Variants in PLEKHA8 observed in about 807,000 individuals in gnomAD.
PLEKHA8 encodes the protein pleckstrin homology domain-containing family A member 8.
A neutral mutation model predicts 68.2 loss-of-function variants in PLEKHA8; 36 were observed. The ratio of observed to expected loss-of-function variants is 0.53; its 90% CI spans 0.40 to 0.70. The LOEUF is 0.70. Ranked by LOEUF, PLEKHA8 falls within the 30% of genes least tolerant of loss-of-function variation. The pLI is 0.00. For synonymous variants in PLEKHA8, 211 were observed against 216.1 expected, an observed-to-expected ratio of 0.98 and a Z score of 0.20; for missense variants, 505 against 615.4, an observed-to-expected ratio of 0.82 and a Z score of 1.90.
At chr7:30,045,247 C>T (rs1313981774) in intron 2 of PLEKHA8, 46 bp downstream of exon 2, 1 of 1,463,914 alleles carries the variant, frequency 6.8e-7, no homozygotes, top group Non-Finnish European at 9.4e-7. Context: ...TTTCTGTTTT[C>T]CCTCAAAAAC....
At chr7:30,058,973 T>C (rs985758481) in intron 9 of PLEKHA8, among the ~76,000 whole-genome samples, 1 of 152,130 alleles carries the variant, frequency 6.6e-6, no homozygotes, top group African/African-American at 2.4e-5. Flanking sequence ...TGAAAAAAAT[T>C]AGCCAGGTGT....
chr7:30,115,769 CGTAT>C lies in PLEKHA8; in HGVS notation c.1363-13495_1363-13492del, dbSNP rs1319530343. The C allele has an allele frequency of 2.7e-5, 4 of 148,146 alleles. 1 individual carries two copies. Among genetic ancestry groups the C allele is most frequent in the African/African-American group, 1.0e-4 (4 of 39,490 alleles). 9.2% of individuals were successfully genotyped at this position (148,146 alleles called of 1,614,324 possible). ...ACATACGTGCACATACATGTATACACGTATGCATGCATACATACGTGCACATACA... is the reference window on the plus strand; with the variant it reads ...ACATACGTGCACATACATGTATACACGCATGCATACATACGTGCACATACA... On this transcript the variant is annotated intron_variant, in intron 13 of 13. Transcript: ENST00000396257.
chr7:30,039,856 C>G (rs1191621095), intron 1 of PLEKHA8, among the ~76,000 whole-genome samples: 1 of 152,070 alleles, frequency 6.6e-6, no homozygotes, highest in Non-Finnish European at 1.5e-5. Flanking sequence ...TCTTTCCAAT[C>G]TAGATGTCTT....
At chr7:30,120,805 CGTAA>C (rs1562561681) in intron 13 of PLEKHA8, among the ~76,000 whole-genome samples, 1 of 152,154 alleles carries the variant, frequency 6.6e-6, no homozygotes, top group Non-Finnish European at 1.5e-5. Context: ...CTTCAAACAC[CGTAA>C]GTAGGTTTCT....
In PLEKHA8 at chr7:30,028,648, G is replaced by A. The variant is rs117074254; in HGVS notation, c.-115G>A. 70,536 of 818,868 alleles carry A rather than the reference G, an allele frequency of 0.086. 3,159 individuals carry two copies. The highest frequency in any genetic ancestry group is 0.091 in the Non-Finnish European group (55,521 of 609,594). The allele number at this position is 818,868 out of a possible 1,614,324, so 50.7% of individuals were successfully genotyped here. On this transcript the variant is annotated 5_prime_UTR_variant, in exon 1 of 14. Transcript: ENST00000449726. ...CGTCCCCACACCGGGCCCGGGCGCC[G>A]GGAGTGGGCGTCTGGGCAGCGCCAG... is the stretch of plus-strand genomic sequence containing the variant.
rs900154586 is a variant in PLEKHA8 at position 30,079,838 on chromosome 7, A to G, written c.*1051A>G. On this transcript the variant is annotated 3_prime_UTR_variant, in exon 14 of 14. Transcript: ENST00000449726. ...CTTCTGCACACAGTATTGAAGAGCA[A>G]CTAGATTAAATTCTAGTTTACAAAA... 1.1e-6 allele frequency: 1 copy of G among 944,242 alleles called. No individual in the cohort carries two copies. The highest frequency in any genetic ancestry group is 1.8e-5 in the African/African-American group (1 of 56,206). The allele number at this position is 944,242 out of a possible 1,614,324, so 58.5% of individuals were successfully genotyped here.
At chr7:30,033,094 G>A (rs1053094638) in intron 1 of PLEKHA8, among the ~76,000 whole-genome samples, 2 of 152,276 alleles carry the variant, frequency 1.3e-5, no homozygotes, top group South Asian at 4.1e-4. Flanking sequence ...AGGATTCTTG[G>A]TTTCACAACC....
intron 13 of PLEKHA8, among the ~76,000 whole-genome samples, chr7:30,104,713 C>CTTTT (rs34669397): frequency 3.7e-4 from 38 of 102,876 alleles, no homozygotes; most frequent in East Asian, 5.2e-4. Context: ...GTCACAACAG[C>CTTTT]TTTTTTTTTT....
chr7:30,039,579 T>C (rs1001863280), intron 1 of PLEKHA8, among the ~76,000 whole-genome samples: 13 of 152,260 alleles, frequency 8.5e-5, no homozygotes, highest in African/African-American at 3.1e-4. Flanking sequence ...TTTGATGTTA[T>C]CGTAAATGGA....
chr7:30,069,717 A>G (rs1794109884), intron 12 of PLEKHA8: 1 of 152,206 alleles, frequency 6.6e-6, no homozygotes, highest in African/African-American at 2.4e-5. Flanking sequence ...GAATGGTGTG[A>G]TGCAACAAGA....
intron 13 of PLEKHA8, among the ~76,000 whole-genome samples, chr7:30,125,455 A>G (rs1484421575): frequency 6.6e-6 from 1 of 152,204 alleles, no homozygotes. Flanking sequence ...CTTTAGAGGA[A>G]ATCCCTGGAG....
chr7:30,126,163 A>C (rs1251192158), intron 13 of PLEKHA8, among the ~76,000 whole-genome samples: 1 of 119,840 alleles, frequency 8.3e-6, no homozygotes, highest in Non-Finnish European at 1.9e-5. Flanking sequence ...AGCCAAGGAC[A>C]GTTTCAGGCT....
chr7:30,075,545 G>A (rs887630608), intron 13 of PLEKHA8, among the ~76,000 whole-genome samples: 2 of 152,180 alleles, frequency 1.3e-5, no homozygotes, highest in African/African-American at 4.8e-5. Context: ...TTATCTCCAA[G>A]GTGCTAGTGC....
chr7:30,079,879 A>C lies in PLEKHA8; in HGVS notation c.*1092A>C. ...GTTTACAAAATTACCAGTTTTCTTCAAGAACTAAATGATATGTCCTTTTTT... is the reference window on the plus strand; with the variant it reads ...GTTTACAAAATTACCAGTTTTCTTCCAGAACTAAATGATATGTCCTTTTTT... On this transcript the variant is annotated 3_prime_UTR_variant, in exon 14 of 14. Transcript: ENST00000449726. 1 of 978,742 alleles carries C rather than the reference A, an allele frequency of 1.0e-6. No individual in the cohort carries two copies. Among genetic ancestry groups the C allele is most frequent in the Non-Finnish European group, 1.2e-6 (1 of 823,894 alleles). 60.6% of individuals were successfully genotyped at this position (978,742 alleles called of 1,614,324 possible).
At chr7:30,073,563 TAAAAA>T (rs35738941) in intron 12 of PLEKHA8, among the ~76,000 whole-genome samples, 5 of 111,776 alleles carry the variant, frequency 4.5e-5, no homozygotes, top group African/African-American at 7.1e-5. Flanking sequence ...TTGTGTTTCT[TAAAAA>T]AAAAAAAAAA....
Position 30,106,215 on chromosome 7 carries a change from C to G in PLEKHA8, c.1363-23051C>G, listed in dbSNP as rs558344890. 3.8e-4 allele frequency among the ~76,000 whole-genome samples: 58 copies of G among 152,136 alleles called. 1 individual carries two copies. In the South Asian group the frequency reaches 4.8e-3, roughly 12 times the overall value. ...CTGGGATTACAGGCGCATGCCACCA[C>G]GGCCAGCTAATTTTTTTTTGTATTT... On this transcript the variant is annotated intron_variant, in intron 13 of 13. Coordinates refer to the PLEKHA8 transcript ENST00000396257.
Position 30,059,840 on chromosome 7 carries a change from T to TG in PLEKHA8, c.1040-1044_1040-1043insG, listed in dbSNP as rs35945777. ...CATAGTAAACACAAATTAATTTTAA[T>TG]TATTTTAAAACCTAGAATATCTAAA... On this transcript the variant is annotated intron_variant, in intron 9 of 13. Transcript: ENST00000449726. Among the ~76,000 whole-genome samples, 49 of 152,238 alleles carry TG rather than the reference T, an allele frequency of 3.2e-4. 1 individual carries two copies. In the South Asian group the frequency reaches 9.9e-3, roughly 31 times the overall value.
chr7:30,071,832 A>T (rs1172410384), intron 12 of PLEKHA8: 1 of 152,226 alleles, frequency 6.6e-6, no homozygotes, highest in African/African-American at 2.4e-5. Flanking sequence ...TTTTCCATGG[A>T]CCTGTACACC....
At chr7:30,049,573 CCT>C in intron 5 of PLEKHA8, 191 bp downstream of exon 5, 1 of 651,654 alleles carries the variant, frequency 1.5e-6, no homozygotes, top group Non-Finnish European at 2.4e-6. Flanking sequence ...AATTTTACCA[CCT>C]AAACATGTTT....
Sources: gnomAD v4.1 joint callset for allele counts (sites outside exome capture counted in the v4.1 genomes callset) on GRCh38, gnomAD v4.1.1 for gene constraint, MANE v1.5 for transcripts, NCBI Gene and HGNC (gene_info 2026-07-23, HGNC 2026-07-21) for gene names.